Variants in TRPM7 observed in about 807,000 individuals in gnomAD.
TRPM7 encodes the protein transient receptor potential cation channel subfamily M member 7, also known as LTRPC ion channel family member 7.
Under a neutral mutation model 229.7 loss-of-function variants are expected in TRPM7, and 134 were observed. That is an observed-to-expected ratio of 0.58 (90% CI 0.51 to 0.67). The LOEUF is 0.67. TRPM7 is among the 30% of genes least tolerant of loss of function. TRPM7 has a pLI of 0.00. For synonymous variants in TRPM7, 699 were observed against 715.2 expected (o/e 0.98, Z 0.36); for missense variants, 1,901 against 2,210.0 (o/e 0.86, Z 2.80).
chr15:50,627,802 A>G (rs2060611487), intron 11 of TRPM7, among the ~76,000 whole-genome samples: 1 of 152,204 alleles, frequency 6.6e-6, no homozygotes, highest in Admixed American at 6.5e-5. Flanking sequence ...AGAAACTAGG[A>G]AGAAGTTGTT....
intron 38 of TRPM7, among the ~76,000 whole-genome samples, chr15:50,566,250 AAAC>A (rs2053593396): frequency 6.6e-6 from 1 of 152,216 alleles, no homozygotes; most frequent in African/African-American, 2.4e-5. Flanking sequence ...TTTAAGAACT[AAAC>A]AAGACAATCC....
At chr15:50,648,198 A>C (rs1036525910) in intron 4 of TRPM7, among the ~76,000 whole-genome samples, 1 of 152,238 alleles carries the variant, frequency 6.6e-6, no homozygotes, top group Non-Finnish European at 1.5e-5. Flanking sequence ...CCTGAAACCA[A>C]GCCCCCTGAA....
chr15:50,566,045 G>A (rs941406077), intron 38 of TRPM7, among the ~76,000 whole-genome samples: 1 of 151,732 alleles, frequency 6.6e-6, no homozygotes, highest in Admixed American at 6.6e-5. Flanking sequence ...GGTTGGTATC[G>A]ACCTCCTGAC....
At chr15:50,663,502 C>T (rs937725085) in intron 1 of TRPM7, among the ~76,000 whole-genome samples, 1 of 152,104 alleles carries the variant, frequency 6.6e-6, no homozygotes. Flanking sequence ...CACCCCAAAA[C>T]GTCAGAATAA....
intron 31 of TRPM7, among the ~76,000 whole-genome samples, chr15:50,577,577 A>T (rs1387902065): frequency 6.6e-6 from 1 of 152,192 alleles, no homozygotes; most frequent in South Asian, 2.1e-4. Context: ...GAAGGGTGGC[A>T]GAATAGAACA....
At chr15:50,568,707 G>C (rs2053728718) in intron 38 of TRPM7, among the ~76,000 whole-genome samples, 1 of 152,126 alleles carries the variant, frequency 6.6e-6, no homozygotes, top group Non-Finnish European at 1.5e-5. Flanking sequence ...GGGCGTGGTG[G>C]CTCACGCCTG....
chr15:50,676,335 A>G lies in TRPM7; in HGVS notation c.3+10196T>C, dbSNP rs904677681. Reference sequence around the variant, plus strand: ...TTTAACAAATACATTCTATGATTATATATATTAAAATTAGAAAATTCTAGC... The same window carrying G: ...TTTAACAAATACATTCTATGATTATGTATATTAAAATTAGAAAATTCTAGC... On this transcript the variant is annotated intron_variant, in intron 1 of 38. Coordinates refer to ENST00000646667, the MANE Select transcript of TRPM7 (RefSeq NM_017672.6). Among the ~76,000 whole-genome samples the G allele has an allele frequency of 3.3e-5, 5 of 152,142 alleles. 1 individual carries two copies. Among genetic ancestry groups the G allele is most frequent in the African/African-American group, 1.2e-4 (5 of 41,454 alleles).
At position 50,561,309 on chromosome 15, in the gene TRPM7, C is replaced by T. The variant is rs146121721; in HGVS notation, c.*369G>A. 173 of 167,728 alleles carry T rather than the reference C, an allele frequency of 1.0e-3. 1 individual carries two copies. The highest frequency in any genetic ancestry group is 3.9e-3 in the African/African-American group (165 of 42,180). 10.4% of individuals were successfully genotyped at this position (167,728 alleles called of 1,614,324 possible). On this transcript the variant is annotated 3_prime_UTR_variant, in exon 39 of 39. Transcript: ENST00000646667. ...TTTCCCTAGTTGAATGGCAATAAAA[C>T]AGCTGCCAATAAAATCTGCATGGAC...
intron 7 of TRPM7, among the ~76,000 whole-genome samples, chr15:50,636,987 A>G (rs1021191598): frequency 2.0e-5 from 3 of 152,134 alleles, no homozygotes; most frequent in African/African-American, 7.2e-5. Flanking sequence ...TTAGCTGGGC[A>G]TGGTAGCGGG....
At chr15:50,618,612 T>TAAATAAATAAAC (rs869086853) in intron 13 of TRPM7, among the ~76,000 whole-genome samples, 12 of 97,884 alleles carry the variant, frequency 1.2e-4, no homozygotes, top group African/African-American at 3.9e-4. Flanking sequence ...AATAAATAAA[T>TAAATAAATAAAC]AAACGTATGT....
chr15:50,605,190 T>C (rs1197757993), intron 20 of TRPM7, 46 bp from the exon 21 acceptor site: 6 of 1,443,308 alleles, frequency 4.2e-6, no homozygotes, highest in Non-Finnish European at 5.6e-6. Flanking sequence ...AGTTTATTCC[T>C]ATTAAAACAC....
At chr15:50,650,700 A>C (rs1270510554) in intron 3 of TRPM7, among the ~76,000 whole-genome samples, 1 of 145,610 alleles carries the variant, frequency 6.9e-6, no homozygotes, top group African/African-American at 2.6e-5. Flanking sequence ...GTCTCAAAAA[A>C]AACAAAAAAA....
chr15:50,591,931 G>T lies in TRPM7; in HGVS notation c.4304C>A (p.Thr1435Lys), dbSNP rs1429729371. The change falls in exon 26 of 39, where the codon ACA becomes AAA. Residue 1435 changes from threonine to lysine, a missense_variant. Physicochemically the swap from Thr to Lys is moderately conservative, Grantham distance 78. Transcript: ENST00000646667. ...CTTACCTACAAATGCTCCAAATTCT[G>T]TATTATCTCCTTCTGTAGCTTTAGA... ...VCSKATEGDN[T>K]EFGAFVGHRD... The T allele has an allele frequency of 6.3e-7, 1 of 1,574,806 alleles. No individual in the cohort carries two copies. The highest frequency in any genetic ancestry group is 1.4e-5 in the African/African-American group (1 of 72,612).
In TRPM7 at chr15:50,592,371, T is replaced by C. The variant is rs758078973; in HGVS notation, c.3864A>G (p.Val1288=). Residue 1288 remains valine, a synonymous_variant, in exon 26 of 39, where the codon GTA becomes GTG. Coordinates refer to ENST00000646667, the MANE Select transcript of TRPM7 (RefSeq NM_017672.6). ...TATTTACAACACCATGCTTTTTCCA[T>C]ACAGAAGGTCTTACAGGACCATCAT... ...LIDDGPVRPS[V]WKKHGVVNTL... 3.1e-6 allele frequency: 5 copies of C among 1,614,184 alleles called. No individual in the cohort carries two copies. Among genetic ancestry groups the C allele is most frequent in the African/African-American group, 1.3e-5 (1 of 75,046 alleles).
chr15:50,640,070 G>A (rs986498959), intron 5 of TRPM7, among the ~76,000 whole-genome samples: 12 of 152,128 alleles, frequency 7.9e-5, no homozygotes, highest in African/African-American at 1.9e-4. Context: ...GGTCTAGTCC[G>A]TTTTTGCATT....
intron 4 of TRPM7, among the ~76,000 whole-genome samples, chr15:50,645,153 C>T (rs1433714403): frequency 1.3e-5 from 2 of 152,094 alleles, no homozygotes; most frequent in Non-Finnish European, 2.9e-5. Flanking sequence ...GATCTGCCCA[C>T]CTCAGCCTCC....
In TRPM7 at chr15:50,607,091, T is replaced by C. The variant is rs78565093; in HGVS notation, c.2709+109A>G. 3.8e-3 allele frequency: 3,552 copies of C among 930,716 alleles called. 97 individuals carry two copies. The African/African-American group carries it at 0.055, about 15-fold the overall frequency. The allele number at this position is 930,716 out of a possible 1,614,324, so 57.7% of individuals were successfully genotyped here. On this transcript the variant is annotated intron_variant, in intron 20 of 38. Coordinates refer to ENST00000646667, the MANE Select transcript of TRPM7 (RefSeq NM_017672.6). ...TTACACAGGTTCTACACTTCTACAA[T>C]GTCATCATACACACACACACCCCCC... is the stretch of plus-strand genomic sequence containing the variant.
At chr15:50,604,735 T>G in intron 21 of TRPM7, 131 bp downstream of exon 21, 1 of 868,852 alleles carries the variant, frequency 1.2e-6, no homozygotes, top group Non-Finnish European at 1.7e-6. Flanking sequence ...ATGGCAGATG[T>G]GAAGTATGAG....
chr15:50,674,137 T>C (rs2062046933), intron 1 of TRPM7, among the ~76,000 whole-genome samples: 2 of 152,140 alleles, frequency 1.3e-5, no homozygotes, highest in African/African-American at 4.8e-5. Flanking sequence ...AACAGGTACC[T>C]GCCACCACGC....
Sources: gnomAD v4.1 joint callset for allele counts (sites outside exome capture counted in the v4.1 genomes callset) on GRCh38, gnomAD v4.1.1 for gene constraint, MANE v1.5 for transcripts, NCBI Gene and HGNC (gene_info 2026-07-23, HGNC 2026-07-21) for gene names.